PARD3B: variants seen among roughly 807,000 people sequenced by gnomAD.
PARD3B encodes the protein par-3 family cell polarity regulator beta.
Under a neutral mutation model 130.2 loss-of-function variants are expected in PARD3B, and 103 were observed. The observed-to-expected ratio is 0.79, with a 90% CI of 0.67 to 0.93. The LOEUF is 0.93. Among genes scored for constraint, PARD3B ranks in the 40% least tolerant of loss-of-function variants. The probability of loss-of-function intolerance (pLI) is 0.00; values close to 1 mark genes in which losing one functional copy is unlikely to be tolerated. For missense variants in PARD3B, 1,609 were observed against 1,499.2 expected (o/e 1.07, Z -1.21); for synonymous variants, 583 against 553.2 (o/e 1.05, Z -0.76).
intron 20 of PARD3B, among the ~76,000 whole-genome samples, chr2:205,484,848 A>G (rs1246130976): frequency 1.3e-5 from 2 of 152,182 alleles, no homozygotes; most frequent in Non-Finnish European, 2.9e-5. Flanking sequence ...TATTGAAAAA[A>G]CTAGCAACTG....
chr2:204,573,483 C>T (rs1003614851), intron 1 of PARD3B, among the ~76,000 whole-genome samples: 6 of 152,088 alleles, frequency 3.9e-5, no homozygotes, highest in Non-Finnish European at 8.8e-5. Flanking sequence ...GTTAGATGAC[C>T]CTCCCATATC....
chr2:204,883,357 G>A (rs925048309), intron 2 of PARD3B, among the ~76,000 whole-genome samples: 19 of 138,482 alleles, frequency 1.4e-4, no homozygotes, highest in African/African-American at 4.3e-4. Context: ...GTATTCAGAT[G>A]CATTAACTAT....
chr2:205,333,544 A>G (rs931086090), intron 18 of PARD3B, among the ~76,000 whole-genome samples: 4 of 152,130 alleles, frequency 2.6e-5, no homozygotes, highest in African/African-American at 9.7e-5. Flanking sequence ...TGTGGCACTC[A>G]GAGAGGAGGA....
At chr2:204,739,673 A>G (rs2039910433) in intron 2 of PARD3B, among the ~76,000 whole-genome samples, 1 of 152,136 alleles carries the variant, frequency 6.6e-6, no homozygotes, top group Non-Finnish European at 1.5e-5. Context: ...AATGTTACCC[A>G]GGCTGGTCTC....
intron 1 of PARD3B, among the ~76,000 whole-genome samples, chr2:204,582,060 C>A (rs1280003468): frequency 1.3e-5 from 2 of 152,152 alleles, no homozygotes; most frequent in Non-Finnish European, 2.9e-5. Context: ...TTTGCCCTTT[C>A]ATGTCATGTC....
rs2054431094 is a variant in PARD3B, at chr2:205,592,713, A to C, written c.3261-22743A>C. On this transcript the variant is annotated intron_variant, in intron 22 of 22. Coordinates refer to ENST00000406610, the MANE Select transcript of PARD3B (RefSeq NM_001302769.2). The surrounding 1 kb of genome is among the most constrained non-coding windows in gnomAD (Gnocchi z 4.5). ...ATATTTCTGAGATGATTACTCAGTTAGCTCATAGGAGGGGCATCTGATTCA... is the reference window on the plus strand; with the variant it reads ...ATATTTCTGAGATGATTACTCAGTTCGCTCATAGGAGGGGCATCTGATTCA... Among the ~76,000 whole-genome samples, 1 of 152,236 alleles carries C rather than the reference A, an allele frequency of 6.6e-6. No homozygotes were observed. Among genetic ancestry groups the C allele is most frequent in the South Asian group, 2.1e-4 (1 of 4,834 alleles).
At chr2:205,396,604 C>A (rs983916099) in intron 18 of PARD3B, among the ~76,000 whole-genome samples, 1 of 152,150 alleles carries the variant, frequency 6.6e-6, no homozygotes, top group Non-Finnish European at 1.5e-5. Flanking sequence ...TCATAAGATT[C>A]TTTAAACAGG....
At chr2:204,809,907 A>C (rs929616296) in intron 2 of PARD3B, among the ~76,000 whole-genome samples, 1 of 151,802 alleles carries the variant, frequency 6.6e-6, no homozygotes. Context: ...GTCATCTCTG[A>C]TTTCTTTGAG....
intron 15 of PARD3B, among the ~76,000 whole-genome samples, chr2:205,219,461 C>T (rs542366451): frequency 3.3e-5 from 5 of 152,276 alleles, no homozygotes; most frequent in Non-Finnish European, 7.4e-5. Context: ...ATCTATTACA[C>T]AGTAGTAGCC....
At chr2:204,956,222 C>T (rs1279487807) in intron 2 of PARD3B, among the ~76,000 whole-genome samples, 1 of 152,178 alleles carries the variant, frequency 6.6e-6, no homozygotes, top group Non-Finnish European at 1.5e-5. Flanking sequence ...CAGCATTATG[C>T]TTTGGCTGAG....
intron 20 of PARD3B, among the ~76,000 whole-genome samples, chr2:205,450,362 C>T (rs1355070157): frequency 6.6e-6 from 1 of 151,318 alleles, no homozygotes; most frequent in Non-Finnish European, 1.5e-5. Context: ...GCTCCAGCCT[C>T]AACTCCTGCC....
intron 20 of PARD3B, among the ~76,000 whole-genome samples, chr2:205,466,351 T>C (rs1258068355): frequency 6.6e-6 from 1 of 152,254 alleles, no homozygotes; most frequent in Non-Finnish European, 1.5e-5. Flanking sequence ...TTGGTGCTGT[T>C]AGCCCTGTTT....
chr2:205,358,790 G>C (rs185176981), intron 18 of PARD3B, among the ~76,000 whole-genome samples: 57 of 152,074 alleles, frequency 3.7e-4, no homozygotes, highest in African/African-American at 1.4e-3. Context: ...CTACCACCTC[G>C]GTGGCATTTT....
intron 1 of PARD3B, among the ~76,000 whole-genome samples, chr2:204,672,730 T>TG (rs1202931402): frequency 6.6e-6 from 1 of 152,192 alleles, no homozygotes; most frequent in Non-Finnish European, 1.5e-5. Context: ...CTTCTCTTTC[T>TG]GGGCCTTTTG....
chr2:205,221,751 C>CTCT, intron 15 of PARD3B, among the ~76,000 whole-genome samples: 1 of 151,942 alleles, frequency 6.6e-6, no homozygotes, highest in African/African-American at 2.4e-5. Context: ...TGTCTGTCTC[C>CTCT]GTCTCTGTCT....
intron 3 of PARD3B, among the ~76,000 whole-genome samples, chr2:204,996,624 C>T (rs879707071): frequency 2.0e-4 from 30 of 150,770 alleles, no homozygotes; most frequent in East Asian, 8.0e-4. Flanking sequence ...TCGAGCTTCC[C>T]GGCTGCTTTG....
intron 20 of PARD3B, among the ~76,000 whole-genome samples, chr2:205,456,651 A>AT (rs980983974): frequency 2.7e-3 from 414 of 150,696 alleles, no homozygotes; most frequent in African/African-American, 9.5e-3. Context: ...TGATCTTGTG[A>AT]TTTTTTTTTG....
Position 204,943,867 on chromosome 2 carries a change from G to A in PARD3B, c.223-21285G>A, listed in dbSNP as rs937797791. Among the ~76,000 whole-genome samples, 2 of 152,102 alleles carry A rather than the reference G, an allele frequency of 1.3e-5. No homozygotes were observed. The highest frequency in any genetic ancestry group is 4.8e-5 in the African/African-American group (2 of 41,422). ...ACTAGAAAACTGAGATTTCAGAGGG[G>A]AAACAAAGTTAAAGCCCAAAGAGTA... is the stretch of plus-strand genomic sequence containing the variant. On this transcript the variant is annotated intron_variant, in intron 2 of 22. Coordinates refer to ENST00000406610, the MANE Select transcript of PARD3B (RefSeq NM_001302769.2). The surrounding 1 kb of genome is among the most constrained non-coding windows in gnomAD (Gnocchi z 4.2).
intron 1 of PARD3B, among the ~76,000 whole-genome samples, chr2:204,563,225 C>T (rs1178622686): frequency 1.9e-5 from 2 of 106,304 alleles, no homozygotes; most frequent in Admixed American, 9.0e-5. Context: ...CTGTCTCTCT[C>T]TCTCTCTCTC....
Sources: allele counts gnomAD v4.1 joint callset (sites outside exome capture counted in the v4.1 genomes callset), GRCh38; gene constraint gnomAD v4.1.1; non-coding constraint Gnocchi (gnomAD v3.1); transcripts MANE v1.5; gene names NCBI Gene and HGNC (gene_info 2026-07-23, HGNC 2026-07-21).